ARSG: variants seen among roughly 807,000 people sequenced by gnomAD.
The protein encoded by ARSG is ASG.
A neutral mutation model predicts 50.5 loss-of-function variants in ARSG; 37 were observed. The ratio of observed to expected loss-of-function variants is 0.73; its 90% CI spans 0.56 to 0.96. The LOEUF (loss-of-function observed/expected upper bound fraction) is 0.96. Among genes scored for constraint, ARSG ranks in the 50% least tolerant of loss-of-function variants. ARSG has a pLI of 0.00. For missense variants in ARSG, 629 were observed against 675.3 expected, an observed-to-expected ratio of 0.93 and a Z score of 0.76; for synonymous variants, 225 against 254.6, an observed-to-expected ratio of 0.88 and a Z score of 1.11.
At position 68,385,213 on chromosome 17, in the gene ARSG, C is replaced by G. The variant is rs770086373; in HGVS notation, c.1091+41C>G. ...TACCTTGAGATGTTGGGGCCCAGAG[C>G]AAGAAAAGTCATGGAGGCATGGGTG... On this transcript the variant is annotated intron_variant, in intron 9 of 11. Coordinates refer to ENST00000621439, the MANE Select transcript of ARSG (RefSeq NM_001267727.2). The G allele has an allele frequency of 7.6e-6, 12 of 1,577,630 alleles. No individual in the cohort carries two copies. The East Asian group carries it at 2.7e-4, about 35-fold the overall frequency.
At position 68,271,065 on chromosome 17, in the gene ARSG, G is replaced by A. The variant is rs781876570; in HGVS notation, c.-552+11639G>A. 82 of 1,614,040 alleles carry A rather than the reference G, an allele frequency of 5.1e-5. No individual in the cohort carries two copies. Among genetic ancestry groups the A allele is most frequent in the South Asian group, 3.3e-4 (30 of 91,084 alleles). On this transcript the variant is annotated intron_variant, in intron 1 of 11. Transcript: ENST00000448504. The surrounding 1 kb of genome is among the most constrained non-coding windows in gnomAD (Gnocchi z 5.3). ...ACAGAGACACAGTCAATAAGATGAC[G>A]CAGATGAGCTCAATGTAAATCTTAC...
the ARSG span, among the ~76,000 whole-genome samples, chr17:68,436,650 A>G: frequency 1.3e-5 from 2 of 152,196 alleles, no homozygotes; most frequent in South Asian, 4.1e-4. Context: ...GGCTTCCAAT[A>G]AAGCAACTTC....
intron 1 of ARSG, among the ~76,000 whole-genome samples, chr17:68,261,239 T>C (rs1266591296): frequency 6.6e-6 from 1 of 152,192 alleles, no homozygotes; most frequent in Non-Finnish European, 1.5e-5. Context: ...ATTTTTTCAT[T>C]CAACAATATT....
chr17:68,417,097 TG>T (rs2082418962), intron 11 of ARSG, among the ~76,000 whole-genome samples: 1 of 152,194 alleles, frequency 6.6e-6, no homozygotes. Context: ...CCTTCTCATT[TG>T]GGTAGGTTAT....
chr17:68,428,766 C>G, the ARSG span: 6 of 1,321,058 alleles, frequency 4.5e-6, no homozygotes, highest in Non-Finnish European at 5.4e-6. Context: ...TCGTTCTTGG[C>G]GAAGGGACAA....
intron 1 of ARSG, among the ~76,000 whole-genome samples, chr17:68,272,977 A>C (rs782476540): frequency 6.6e-6 from 1 of 151,986 alleles, no homozygotes; most frequent in South Asian, 2.1e-4. Flanking sequence ...GGGATACTAA[A>C]AATATAACTT....
At chr17:68,274,188 G>C in intron 1 of ARSG, 1 of 1,092,160 alleles carries the variant, frequency 9.2e-7, no homozygotes, top group South Asian at 1.6e-5. Flanking sequence ...AAATATGGCC[G>C]AGCGCAGTGG....
chr17:68,374,069 A>G (rs1452079011), intron 8 of ARSG, among the ~76,000 whole-genome samples: 3 of 149,586 alleles, frequency 2.0e-5, no homozygotes, highest in Non-Finnish European at 4.4e-5. Context: ...AGGCAGGAGA[A>G]TGGTGTGAAC....
At chr17:68,291,441 A>C (rs1181892513), upstream of ARSG, 1 of 149,668 alleles carries the variant, frequency 6.7e-6, no homozygotes. Context: ...GCCGCCGACC[A>C]TGTGCTGCGA....
the ARSG span, chr17:68,430,312 G>T: frequency 1.4e-6 from 1 of 716,868 alleles, no homozygotes; most frequent in Admixed American, 3.1e-5. Flanking sequence ...AACAATCCAG[G>T]ACGTATTATT....
At chr17:68,326,650 A>G (rs1447063437) in intron 2 of ARSG, among the ~76,000 whole-genome samples, 2 of 152,184 alleles carry the variant, frequency 1.3e-5, no homozygotes, top group Non-Finnish European at 2.9e-5. Flanking sequence ...GGGTGACAAG[A>G]GCGAAACTCC....
chr17:68,406,806 T>C (rs531603512), intron 11 of ARSG, among the ~76,000 whole-genome samples: 28 of 152,352 alleles, frequency 1.8e-4, no homozygotes, highest in African/African-American at 6.7e-4. Flanking sequence ...GTGAAGATTT[T>C]CTCCCACTGT....
chr17:68,433,541 C>T, the ARSG span: 3 of 1,613,848 alleles, frequency 1.9e-6, no homozygotes, highest in South Asian at 1.1e-5. Flanking sequence ...AATTGTGAAT[C>T]CATACTGAAC....
intron 8 of ARSG, among the ~76,000 whole-genome samples, chr17:68,380,808 A>G (rs1049247053): frequency 6.6e-6 from 1 of 152,104 alleles, no homozygotes; most frequent in African/African-American, 2.4e-5. Context: ...CAACTGTACA[A>G]TCGTTTCCCT....
the ARSG span, among the ~76,000 whole-genome samples, chr17:68,430,709 G>A: frequency 1.4e-4 from 22 of 152,296 alleles, no homozygotes; most frequent in East Asian, 7.7e-4. Flanking sequence ...CTGGGATGTC[G>A]CCTACAGTCA....
intron 11 of ARSG, chr17:68,413,838 C>G (rs1455902827): frequency 6.5e-6 from 1 of 152,992 alleles, no homozygotes; most frequent in Non-Finnish European, 1.5e-5. Flanking sequence ...TTAAGCCTGT[C>G]GGAAAAGCGC....
At chr17:68,402,800 C>T (rs1398724234) in intron 11 of ARSG, among the ~76,000 whole-genome samples, 1 of 152,228 alleles carries the variant, frequency 6.6e-6, no homozygotes, top group Non-Finnish European at 1.5e-5. Context: ...GCTGGGATTA[C>T]AGGCATGAGC....
chr17:68,365,036 G>T (rs190409171), intron 6 of ARSG, among the ~76,000 whole-genome samples: 2 of 152,192 alleles, frequency 1.3e-5, no homozygotes, highest in Non-Finnish European at 2.9e-5. Context: ...GCGGTCGGGC[G>T]CAGTGGCTCA....
At chr17:68,274,288 A>G in intron 1 of ARSG, 1 of 413,368 alleles carries the variant, frequency 2.4e-6, no homozygotes, top group Non-Finnish European at 4.4e-6. Context: ...CAACATGGTG[A>G]AACCCCGTCT....
Sources: allele counts gnomAD v4.1 joint callset (sites outside exome capture counted in the v4.1 genomes callset), GRCh38; gene constraint gnomAD v4.1.1; non-coding constraint Gnocchi (gnomAD v3.1); transcripts MANE v1.5; gene names NCBI Gene and HGNC (gene_info 2026-07-23, HGNC 2026-07-21).